The following LRMDA variants were observed in gnomAD, a reference collection of about 807,000 sequenced individuals.
LRMDA encodes the protein leucine-rich melanocyte differentiation-associated protein.
Under a neutral mutation model 29.8 loss-of-function variants are expected in LRMDA, and 18 were observed. The ratio of observed to expected loss-of-function variants is 0.60; its 90% CI spans 0.42 to 0.90. The LOEUF (loss-of-function observed/expected upper bound fraction) is 0.90, where lower values mean the gene tolerates loss of function less well. Among genes scored for constraint, LRMDA ranks in the 40% least tolerant of loss-of-function variants. The probability of loss-of-function intolerance (pLI) is 0.00; values close to 1 mark genes in which losing one functional copy is unlikely to be tolerated. For missense variants in LRMDA, 273 were observed against 273.9 expected (o/e 1.00, Z 0.02); for synonymous variants, 125 against 109.4 (o/e 1.14, Z -0.89).
rs1332967445 is a variant in LRMDA, at chr10:75,996,735, GT to G, written c.132-39258del. ...TACGTGTTTTTTTTGTTTGTTTGGT[GT>G]TTTTTTTTTTTTTTGAGACGGAGTC... is the stretch of plus-strand genomic sequence containing the variant. On this transcript the variant is annotated intron_variant, in intron 2 of 6. Transcript: ENST00000611255. Among the ~76,000 whole-genome samples, 942 of 139,552 alleles carry G rather than the reference GT, an allele frequency of 6.8e-3. 8 individuals are homozygous for G. Among genetic ancestry groups the G allele is most frequent in the African/African-American group, 0.02 (779 of 38,502 alleles). 91.6% of individuals were successfully genotyped at this position (139,552 alleles called of 152,430 possible).
intron 5 of LRMDA, among the ~76,000 whole-genome samples, chr10:76,092,819 T>A (rs946825564): frequency 2.6e-5 from 4 of 152,198 alleles, no homozygotes; most frequent in Non-Finnish European, 5.9e-5. Context: ...GGTACACACA[T>A]CCCTTTAGTA....
At chr10:75,439,330 C>T (rs1443369957) in intron 2 of LRMDA, among the ~76,000 whole-genome samples, 3 of 152,154 alleles carry the variant, frequency 2.0e-5, no homozygotes, top group African/African-American at 4.8e-5. Flanking sequence ...CTGTGCTGCC[C>T]TCTGAGTGGG....
chr10:76,481,455 TA>T (rs755902965), intron 6 of LRMDA, among the ~76,000 whole-genome samples: 3 of 151,928 alleles, frequency 2.0e-5, no homozygotes, highest in Admixed American at 6.6e-5. Flanking sequence ...TGGAGCTGCA[TA>T]CTGTTTATAA....
chr10:75,511,647 C>A (rs940426279), intron 2 of LRMDA, among the ~76,000 whole-genome samples: 9 of 152,190 alleles, frequency 5.9e-5, no homozygotes, highest in Non-Finnish European at 1.3e-4. Context: ...TCACTATCTC[C>A]CATGTTGTGT....
intron 6 of LRMDA, among the ~76,000 whole-genome samples, chr10:76,404,217 C>T (rs1030019395): frequency 2.6e-5 from 4 of 152,090 alleles, no homozygotes; most frequent in South Asian, 2.1e-4. Context: ...CAGAGGCGGA[C>T]ACTCCCCAAA....
At chr10:76,155,265 T>C (rs563828133) in intron 5 of LRMDA, among the ~76,000 whole-genome samples, 1 of 152,334 alleles carries the variant, frequency 6.6e-6, no homozygotes, top group African/African-American at 2.4e-5. Flanking sequence ...CAGACATCCA[T>C]GAACTTTTAT....
intron 6 of LRMDA, among the ~76,000 whole-genome samples, chr10:76,366,411 G>T (rs1157693456): frequency 3.3e-5 from 5 of 152,004 alleles, no homozygotes; most frequent in Non-Finnish European, 7.4e-5. Context: ...TCTATGTTTA[G>T]AAATCTGTGA....
intron 2 of LRMDA, among the ~76,000 whole-genome samples, chr10:75,658,189 A>G (rs981267906): frequency 9.3e-5 from 14 of 151,320 alleles, no homozygotes; most frequent in African/African-American, 3.4e-4. Flanking sequence ...TGTAGTCCGG[A>G]GCTGTGTTAA....
intron 4 of LRMDA, among the ~76,000 whole-genome samples, chr10:76,056,079 C>T (rs1432700304): frequency 6.6e-6 from 1 of 152,190 alleles, no homozygotes; most frequent in East Asian, 1.9e-4. Flanking sequence ...CAAAGAGGTG[C>T]TTTATTAAGC....
At chr10:76,213,220 A>G (rs987686205) in intron 5 of LRMDA, among the ~76,000 whole-genome samples, 1 of 152,202 alleles carries the variant, frequency 6.6e-6, no homozygotes, top group East Asian at 1.9e-4. Context: ...CATCTAGACC[A>G]GTGTTCGTTA....
chr10:75,513,428 GGACT>G (rs1845251240), intron 2 of LRMDA, among the ~76,000 whole-genome samples: 5 of 152,018 alleles, frequency 3.3e-5, no homozygotes, highest in African/African-American at 1.2e-4. Context: ...TGTGTTTTGG[GGACT>G]GACTGGTGAA....
At chr10:76,177,310 A>G (rs1244666623) in intron 5 of LRMDA, among the ~76,000 whole-genome samples, 3 of 152,188 alleles carry the variant, frequency 2.0e-5, no homozygotes, top group African/African-American at 7.2e-5. Context: ...TTTAACTTTA[A>G]TATCTGATCA....
chr10:76,272,226 G>A (rs991128253), intron 5 of LRMDA, among the ~76,000 whole-genome samples: 3 of 152,170 alleles, frequency 2.0e-5, no homozygotes, highest in Non-Finnish European at 4.4e-5. Flanking sequence ...CTTCCTGGGG[G>A]AAGAGGGTTA....
Position 76,376,869 on chromosome 10 carries a change from T to G in LRMDA, c.601+52384T>G, listed in dbSNP as rs1443799110. Among the ~76,000 whole-genome samples, 11 of 56,998 alleles carry G rather than the reference T, an allele frequency of 1.9e-4. 1 individual carries two copies. Among genetic ancestry groups the G allele is most frequent in the African/African-American group, 1.1e-3 (9 of 8,108 alleles). The allele number at this position is 56,998 out of a possible 152,430, so 37.4% of individuals were successfully genotyped here. A position where few individuals can be genotyped will look rare whatever the true frequency, so the allele number is the denominator to read the frequency against. ...GTTTGTTGGGCACTTGGAAGTCTTT[T>G]TTTTTTTTTTTTTTTTTTTTTTTTT... is the stretch of plus-strand genomic sequence containing the variant. On this transcript the variant is annotated intron_variant, in intron 6 of 6. Coordinates refer to ENST00000611255, the MANE Select transcript of LRMDA (RefSeq NM_001305581.2).
chr10:75,865,295 TGG>T (rs890204686), intron 2 of LRMDA, among the ~76,000 whole-genome samples: 1 of 152,222 alleles, frequency 6.6e-6, no homozygotes, highest in Non-Finnish European at 1.5e-5. Flanking sequence ...TGTGGGACAG[TGG>T]CAAGTTAGAA....
At chr10:76,091,287 G>A (rs749243374) in intron 5 of LRMDA, among the ~76,000 whole-genome samples, 3,745 of 63,538 alleles carry the variant, frequency 0.059, 133 homozygotes, top group African/African-American at 0.14. Context: ...GTGTGTGTGT[G>A]TGTGTGTGTG....
chr10:76,368,964 A>C (rs1417340719), intron 6 of LRMDA, among the ~76,000 whole-genome samples: 2 of 151,120 alleles, frequency 1.3e-5, no homozygotes, highest in African/African-American at 4.9e-5. Context: ...GCCTTTTTCC[A>C]CTCCTTCACT....
chr10:75,985,839 A>G lies in LRMDA; in HGVS notation c.132-50169A>G, dbSNP rs375510651. ...CGCCAAAGGAAGATGCGATGAAGCG[A>G]AAAGGGGTCCTGGAGAAGAGCTGTT... is the stretch of plus-strand genomic sequence containing the variant. On this transcript the variant is annotated intron_variant, in intron 2 of 6. Coordinates refer to ENST00000611255, the MANE Select transcript of LRMDA (RefSeq NM_001305581.2). Among the ~76,000 whole-genome samples, 6 of 152,342 alleles carry G rather than the reference A, an allele frequency of 3.9e-5. No individual in the cohort carries two copies. In the East Asian group the frequency reaches 7.7e-4, roughly 20 times the overall value.
At chr10:76,228,620 G>A (rs1179434183) in intron 5 of LRMDA, among the ~76,000 whole-genome samples, 1 of 152,168 alleles carries the variant, frequency 6.6e-6, no homozygotes, top group African/African-American at 2.4e-5. Context: ...AATTCAGGGT[G>A]GGGCCACAGG....
Sources: allele counts gnomAD v4.1 joint callset (sites outside exome capture counted in the v4.1 genomes callset), GRCh38; gene constraint gnomAD v4.1.1; transcripts MANE v1.5; gene names NCBI Gene and HGNC (gene_info 2026-07-23, HGNC 2026-07-21).